FXR1: variants seen among roughly 807,000 people sequenced by gnomAD.
FXR1 encodes the protein RNA-binding protein FXR1.
Under a neutral mutation model 84.0 loss-of-function variants are expected in FXR1, and 15 were observed. The ratio of observed to expected loss-of-function variants is 0.18; its 90% CI spans 0.12 to 0.27. FXR1 has a LOEUF of 0.27. FXR1 is among the 10% of genes least tolerant of loss of function. The probability of loss-of-function intolerance (pLI) is 1.00; values close to 1 mark genes in which losing one functional copy is unlikely to be tolerated. For synonymous variants in FXR1, 245 were observed against 250.7 expected (o/e 0.98, Z 0.21); for missense variants, 480 against 774.4 (o/e 0.62, Z 4.51).
intron 3 of FXR1, among the ~76,000 whole-genome samples, chr3:180,945,278 A>G (rs758386392): frequency 3.7e-4 from 56 of 152,140 alleles, no homozygotes; most frequent in Non-Finnish European, 5.9e-5. Flanking sequence ...TCTATTGAAT[A>G]TTTTTGCATT....
Position 180,975,404 on chromosome 3 carries a change from G to A in FXR1, c.1695G>A (p.Met565Ile). ...RETLAKNKKE[M>I]AKDVIEEHGP... ...CTTTGGCTAAAAACAAGAAAGAAAT[G>A]GTAAGGAGAATTTAACCTGTAGGTT... The change falls in exon 16 of 17, where the codon ATG becomes ATA. Residue 565 changes from methionine (M) to isoleucine (I), a missense_variant and splice_region_variant. Met to Ile is a conservative substitution (Grantham distance 10). Around this residue, in one of 6 missense-constraint regions of FXR1, gnomAD observed 94 missense variants for 81.8 expected, o/e 1.15. Transcript: ENST00000357559. 1.5e-6 allele frequency: 2 copies of A among 1,301,412 alleles called. No homozygotes were observed. The highest frequency in any genetic ancestry group is 2.2e-6 in the Non-Finnish European group (2 of 919,546). 80.6% of individuals were successfully genotyped at this position (1,301,412 alleles called of 1,614,324 possible).
At chr3:180,916,052 T>C (rs1560153853) in intron 1 of FXR1, among the ~76,000 whole-genome samples, 1 of 152,228 alleles carries the variant, frequency 6.6e-6, no homozygotes, top group African/African-American at 2.4e-5. Context: ...TATGCTGTTA[T>C]ATAAAATAAC....
intron 3 of FXR1, among the ~76,000 whole-genome samples, chr3:180,943,998 C>T (rs1027415623): frequency 1.3e-5 from 2 of 152,042 alleles, no homozygotes; most frequent in Non-Finnish European, 2.9e-5. Context: ...CTCACCGCAG[C>T]CTCCGCCTCC....
At chr3:180,945,882 ATGTT>A (rs544691697) in intron 3 of FXR1, among the ~76,000 whole-genome samples, 17 of 152,228 alleles carry the variant, frequency 1.1e-4, no homozygotes, top group East Asian at 3.9e-4. Context: ...TTTGAGAACA[ATGTT>A]TGAGAAATAC....
chr3:180,927,492 T>G (rs1311239215), intron 1 of FXR1, among the ~76,000 whole-genome samples: 1 of 152,156 alleles, frequency 6.6e-6, no homozygotes, highest in Non-Finnish European at 1.5e-5. Context: ...CTGAAATATA[T>G]TCATACCATG....
intron 14 of FXR1, among the ~76,000 whole-genome samples, chr3:180,968,590 A>T (rs1713137407): frequency 6.6e-6 from 1 of 152,132 alleles, no homozygotes; most frequent in African/African-American, 2.4e-5. Flanking sequence ...TTTGTTTGCC[A>T]GACAGACCCA....
At chr3:180,959,645 A>G (rs1342691301) in intron 10 of FXR1, among the ~76,000 whole-genome samples, 1 of 146,622 alleles carries the variant, frequency 6.8e-6, no homozygotes, top group African/African-American at 2.5e-5. Flanking sequence ...TTGCCCTCCC[A>G]CCCCCCTTTT....
chr3:180,950,907 TG>T (rs1375018368), intron 7 of FXR1, among the ~76,000 whole-genome samples: 1 of 152,134 alleles, frequency 6.6e-6, no homozygotes. Flanking sequence ...GCTATGAACA[TG>T]GATTTGCAAT....
chr3:180,945,455 AGT>A (rs1046299189), intron 3 of FXR1, among the ~76,000 whole-genome samples: 53 of 151,968 alleles, frequency 3.5e-4, no homozygotes, highest in African/African-American at 1.2e-3. Flanking sequence ...CCCAGGGTTG[AGT>A]GTAGTGGTAC....
intron 3 of FXR1, among the ~76,000 whole-genome samples, chr3:180,939,678 T>C (rs1317578339): frequency 6.6e-6 from 1 of 152,220 alleles, no homozygotes; most frequent in East Asian, 1.9e-4. Flanking sequence ...AATACTTTAT[T>C]AGCTTGTCCA....
chr3:180,962,055 A>G (rs1461943611), intron 11 of FXR1, among the ~76,000 whole-genome samples: 2 of 152,212 alleles, frequency 1.3e-5, no homozygotes, highest in Non-Finnish European at 2.9e-5. Flanking sequence ...AGTCTATTTG[A>G]GTTGATACAT....
rs190915838 is a variant in FXR1, at chr3:180,941,069, C to T, written c.198+5838C>T. Reference sequence around the variant, plus strand: ...ATTGTCAGGCATTATGGTTATATATCTATATATTATATTAAAATGTTGGGA... The same window carrying T: ...ATTGTCAGGCATTATGGTTATATATTTATATATTATATTAAAATGTTGGGA... On this transcript the variant is annotated intron_variant, in intron 3 of 16. Transcript: ENST00000357559. Among the ~76,000 whole-genome samples, 32 of 151,602 alleles carry T rather than the reference C, an allele frequency of 2.1e-4. No homozygotes were observed. In the East Asian group the frequency reaches 5.2e-3, roughly 25 times the overall value.
Position 180,956,482 on chromosome 3 carries a change from A to G in FXR1, c.881-1337A>G, listed in dbSNP as rs143043691. ...ATGGATGATCACTCAAAACTGGTAT[A>G]GTTCACAAGAAGGAAGTGGCAAAGG... On this transcript the variant is annotated intron_variant, in intron 9 of 16. Transcript: ENST00000357559. Among the ~76,000 whole-genome samples, 3 of 152,320 alleles carry G rather than the reference A, an allele frequency of 2.0e-5. No homozygotes were observed. In the East Asian group the frequency reaches 5.8e-4, roughly 29 times the overall value.
intron 13 of FXR1, among the ~76,000 whole-genome samples, chr3:180,965,382 T>A (rs1013730220): frequency 1.5e-4 from 23 of 152,188 alleles, no homozygotes; most frequent in African/African-American, 5.6e-4. Context: ...TTTACAAAAT[T>A]GAGAGGCTGG....
chr3:180,938,867 G>T (rs545197957), intron 3 of FXR1, among the ~76,000 whole-genome samples: 140 of 151,596 alleles, frequency 9.2e-4, no homozygotes, highest in Non-Finnish European at 1.7e-3. Flanking sequence ...TATCTTTTTT[G>T]TGTTTTTTTC....
Position 180,962,237 on chromosome 3 carries a change from C to T in FXR1, c.1078-646C>T, listed in dbSNP as rs181869991. Among the ~76,000 whole-genome samples, 236 of 152,266 alleles carry T rather than the reference C, an allele frequency of 1.5e-3. 2 individuals carry two copies. The highest frequency in any genetic ancestry group is 5.5e-3 in the African/African-American group (230 of 41,548). ...CTCCCAGTCTGTCGTATCATTGTTG[C>T]TGTTACTATTTTGAGATCACTCTGA... On this transcript the variant is annotated intron_variant, in intron 11 of 16. Coordinates refer to ENST00000357559, the MANE Select transcript of FXR1 (RefSeq NM_005087.4).
At chr3:180,928,223 T>C (rs527242083) in intron 1 of FXR1, among the ~76,000 whole-genome samples, 7 of 152,006 alleles carry the variant, frequency 4.6e-5, no homozygotes, top group Non-Finnish European at 8.8e-5. Flanking sequence ...TCCTTCCCCA[T>C]TTGTAAATTC....
intron 1 of FXR1, among the ~76,000 whole-genome samples, chr3:180,932,084 A>AAAAAAAAAC (rs1270174639): frequency 1.3e-5 from 2 of 150,484 alleles, no homozygotes; most frequent in South Asian, 2.1e-4. Context: ...TCAAAAAAAA[A>AAAAAAAAAC]AAAAAACAAC....
intron 3 of FXR1, 50 bp from the exon 4 acceptor site, chr3:180,947,815 A>T: frequency 1.0e-6 from 1 of 963,598 alleles, no homozygotes; most frequent in Non-Finnish European, 1.6e-6. Flanking sequence ...CATTTACAGC[A>T]TTGAAATCTT....
Sources: gnomAD v4.1 joint callset for allele counts (sites outside exome capture counted in the v4.1 genomes callset) on GRCh38, gnomAD v4.1.1 for gene constraint, gnomAD v4.1.1 regional missense constraint, MANE v1.5 for transcripts, NCBI Gene and HGNC (gene_info 2026-07-23, HGNC 2026-07-21) for gene names.